FOCAD: variants seen among roughly 807,000 people sequenced by gnomAD.
FOCAD encodes the protein focadhesin.
In FOCAD, 198 loss-of-function variants were observed where a neutral mutation model predicts 225.6. The ratio of observed to expected loss-of-function variants is 0.88; its 90% CI spans 0.78 to 0.99. The LOEUF (loss-of-function observed/expected upper bound fraction) is 0.99, where lower values mean the gene tolerates loss of function less well. Among genes scored for constraint, FOCAD ranks in the 50% least tolerant of loss-of-function variants. The probability of loss-of-function intolerance (pLI) is 0.00; values close to 1 mark genes in which losing one functional copy is unlikely to be tolerated. For missense variants in FOCAD, 2,713 were observed against 2,123.6 expected (o/e 1.28, Z -5.46); for synonymous variants, 897 against 755.0 (o/e 1.19, Z -3.08).
At chr9:20,685,835 G>C (rs1286892319) in intron 1 of FOCAD, among the ~76,000 whole-genome samples, 1 of 152,192 alleles carries the variant, frequency 6.6e-6, no homozygotes, top group African/African-American at 2.4e-5. Context: ...GTTGACGCCT[G>C]ATAACCAAAA....
chr9:20,838,813 C>T (rs1010049991), intron 15 of FOCAD, among the ~76,000 whole-genome samples: 1 of 152,096 alleles, frequency 6.6e-6, no homozygotes, highest in Admixed American at 6.6e-5. Context: ...TTCTTAAGAA[C>T]ACCAGTATCT....
intron 1 of FOCAD, among the ~76,000 whole-genome samples, chr9:20,686,180 A>C (rs966259868): frequency 3.9e-5 from 6 of 152,184 alleles, no homozygotes; most frequent in Non-Finnish European, 7.3e-5. Context: ...TTGTTTGGAG[A>C]CAGGGTCACT....
At chr9:20,862,964 T>C in intron 16 of FOCAD, 1 of 289,026 alleles carries the variant, frequency 3.5e-6, no homozygotes, top group Non-Finnish European at 6.3e-6. Context: ...ATTGTAAAAC[T>C]AGTGTTTCCA....
In FOCAD at chr9:20,765,073, G is replaced by A. The variant is rs1199214174; in HGVS notation, c.699G>A (p.Gln233=). The A allele has an allele frequency of 7.4e-6, 12 of 1,611,458 alleles. No individual in the cohort carries two copies. Among genetic ancestry groups the A allele is most frequent in the Non-Finnish European group, 9.3e-6 (11 of 1,178,582 alleles). ...GTTGTGACATAGTTCCATGTTTGCA[G>A]GTAAGGTCTTTGTCCTCCTCCACAA... ...QLCCDIVPCL[Q]VKDLIQTTEA... is the part of the protein sequence containing the mutation. The change falls in exon 7 of 44, where the codon CAG becomes CAA. Residue 233 remains glutamine (Q), a splice_region_variant and synonymous_variant. Coordinates refer to ENST00000338382, the MANE Select transcript of FOCAD (RefSeq NM_001375567.1).
At chr9:20,816,944 T>C (rs1372653761) in intron 11 of FOCAD, among the ~76,000 whole-genome samples, 2 of 152,182 alleles carry the variant, frequency 1.3e-5, no homozygotes, top group Non-Finnish European at 2.9e-5. Flanking sequence ...TGTATACAAA[T>C]ACCTATGCCA....
rs541734221 is a variant in FOCAD at position 20,979,554 on chromosome 9, G to T, written c.4377+1100G>T. Among the ~76,000 whole-genome samples, 10 of 152,248 alleles carry T rather than the reference G, an allele frequency of 6.6e-5. No homozygotes were observed. The South Asian group carries it at 1.9e-3, about 28-fold the overall frequency. On this transcript the variant is annotated intron_variant, in intron 37 of 43. Transcript: ENST00000338382. ...GGGTTTCACCAAGTTGGCAAGGCTG[G>T]TTTCGAACTCCTGACCTCAAGTGAT...
intron 15 of FOCAD, among the ~76,000 whole-genome samples, chr9:20,855,153 G>T (rs1828039800): frequency 1.3e-5 from 2 of 151,488 alleles, no homozygotes; most frequent in Non-Finnish European, 3.0e-5. Flanking sequence ...CATAGGAAAA[G>T]TTATTTCATC....
Position 20,820,328 on chromosome 9 carries a change from G to A in FOCAD, c.1565G>A (p.Cys522Tyr). The A allele has an allele frequency of 1.2e-6, 2 of 1,611,054 alleles. No individual in the cohort carries two copies. The highest frequency in any genetic ancestry group is 1.7e-6 in the Non-Finnish European group (2 of 1,178,138). Residue 522 changes from cysteine (C) to tyrosine (Y), a missense_variant, in exon 13 of 44, where the codon TGT (cysteine) becomes TAT (tyrosine). By Grantham distance (194) the Cys-to-Tyr change is radical (BLOSUM62 -2). Coordinates refer to ENST00000338382, the MANE Select transcript of FOCAD (RefSeq NM_001375567.1). The part of the protein sequence containing the change: ...TLPKLGVHKV[C>Y]IGQILRIIQL... ...AGTTTCTTCAATATTTTCTAGGTGT[G>A]TATAGGACAAATTCTACGAATAATA... is the stretch of plus-strand genomic sequence containing the variant.
intron 21 of FOCAD, among the ~76,000 whole-genome samples, chr9:20,906,255 T>A (rs998567635): frequency 6.6e-6 from 1 of 152,016 alleles, no homozygotes; most frequent in Non-Finnish European, 1.5e-5. Context: ...TATAATACAA[T>A]AAAATGTCCT....
intron 31 of FOCAD, 103 bp downstream of exon 31, chr9:20,948,496 A>T (rs1023131593): frequency 1.9e-5 from 24 of 1,241,826 alleles, no homozygotes; most frequent in Non-Finnish European, 2.3e-5. Flanking sequence ...CGTTAATGGT[A>T]AAAGAATAGG....
At chr9:20,990,713 G>A (rs1453678181) in intron 42 of FOCAD, among the ~76,000 whole-genome samples, 1 of 152,140 alleles carries the variant, frequency 6.6e-6, no homozygotes. Context: ...GAGGGTCGAC[G>A]GGAAGGCAAA....
intron 1 of FOCAD, among the ~76,000 whole-genome samples, chr9:20,706,351 A>G (rs537440438): frequency 6.6e-6 from 1 of 152,308 alleles, no homozygotes; most frequent in Non-Finnish European, 1.5e-5. Flanking sequence ...ATCTGTAAGT[A>G]GCATGTGATA....
intron 21 of FOCAD, among the ~76,000 whole-genome samples, chr9:20,892,625 A>T (rs1379518268): frequency 1.3e-5 from 2 of 152,062 alleles, no homozygotes; most frequent in Non-Finnish European, 2.9e-5. Flanking sequence ...TTAGGGATGA[A>T]CAGAGTGGTT....
chr9:20,697,789 A>G (rs1823495458), intron 1 of FOCAD, among the ~76,000 whole-genome samples: 2 of 152,250 alleles, frequency 1.3e-5, no homozygotes, highest in Admixed American at 6.5e-5. Flanking sequence ...GACTGAAGCT[A>G]ACATACTTGA....
Position 20,866,917 on chromosome 9 carries a change from T to C in FOCAD, c.2107-12T>C. 1.3e-6 allele frequency: 1 copy of C among 764,970 alleles called. No individual in the cohort carries two copies. Among genetic ancestry groups the C allele is most frequent in the Non-Finnish European group, 2.0e-6 (1 of 498,466 alleles). 47.4% of individuals were successfully genotyped at this position (764,970 alleles called of 1,614,324 possible). A position where few individuals can be genotyped will look rare whatever the true frequency, so the allele number is the denominator to read the frequency against. ...TTTTTTTTTTTTTTTTTTTTTTTTT[T>C]ACCCTATCTAGGACCCAATTGTAGC... On this transcript the variant is annotated splice_polypyrimidine_tract_variant and intron_variant, in intron 17 of 43. Transcript: ENST00000338382.
intron 8 of FOCAD, among the ~76,000 whole-genome samples, chr9:20,777,304 G>GTTTTTTTTTTTT (rs35710134): frequency 9.0e-6 from 1 of 110,866 alleles, no homozygotes. Context: ...TTTCCTGTGG[G>GTTTTTTTTTTTT]TTTTTTTTTT....
chr9:20,683,026 A>T (rs546019522), upstream of FOCAD, among the ~76,000 whole-genome samples: 1 of 152,048 alleles, frequency 6.6e-6, no homozygotes, highest in Non-Finnish European at 1.5e-5. Flanking sequence ...CGGCCTCCCA[A>T]AGTGCTGGGA....
chr9:20,703,476 A>T (rs1824136738), intron 1 of FOCAD, among the ~76,000 whole-genome samples: 1 of 152,146 alleles, frequency 6.6e-6, no homozygotes, highest in Non-Finnish European at 1.5e-5. Flanking sequence ...ATGAGTTAAA[A>T]GTCAACTGTA....
intron 15 of FOCAD, among the ~76,000 whole-genome samples, chr9:20,844,520 A>G (rs528189789): frequency 1.3e-5 from 2 of 151,268 alleles, no homozygotes; most frequent in African/African-American, 4.8e-5. Context: ...GCCACCACAC[A>G]TGGCTAATTT....
Sources: allele counts gnomAD v4.1 joint callset (sites outside exome capture counted in the v4.1 genomes callset), GRCh38; gene constraint gnomAD v4.1.1; transcripts MANE v1.5; gene names NCBI Gene and HGNC (gene_info 2026-07-23, HGNC 2026-07-21).